The following BAIAP2L2 variants were observed in gnomAD, a reference collection of about 807,000 sequenced individuals.
The protein encoded by BAIAP2L2 is BAR/IMD domain containing adaptor protein 2 like 2, also known as BAR/IMD domain-containing adapter protein 2-like 2.
BAIAP2L2 carries 65 observed loss-of-function variants against 60.4 expected under a neutral mutation model. That is an observed-to-expected ratio of 1.08 (90% confidence interval 0.88 to 1.32). The LOEUF is 1.32. Among genes scored for constraint, BAIAP2L2 ranks in the 40% most tolerant of loss-of-function variants. The probability of loss-of-function intolerance (pLI) is 0.00; values close to 1 mark genes in which losing one functional copy is unlikely to be tolerated. For missense variants in BAIAP2L2, 836 were observed against 741.2 expected, an observed-to-expected ratio of 1.13 and a Z score of -1.48; for synonymous variants, 344 against 301.7, an observed-to-expected ratio of 1.14 and a Z score of -1.45.
chr22:38,100,869 A>G (rs1361975830), intron 4 of BAIAP2L2, among the ~76,000 whole-genome samples: 1 of 152,266 alleles, frequency 6.6e-6, no homozygotes, highest in East Asian at 1.9e-4. Context: ...ACACAAAAGA[A>G]TATACAGGGC....
chr22:38,101,141 A>C (rs748047724), intron 4 of BAIAP2L2, among the ~76,000 whole-genome samples: 2 of 152,292 alleles, frequency 1.3e-5, no homozygotes, highest in African/African-American at 4.8e-5. Flanking sequence ...TAGAAAAAAA[A>C]ACTCAGGTCT....
intron 1 of BAIAP2L2, among the ~76,000 whole-genome samples, chr22:38,110,033 CAGAGACAGGGAG>C (rs2086774577): frequency 1.9e-5 from 1 of 52,682 alleles, no homozygotes; most frequent in Non-Finnish European, 3.8e-5. Context: ...ATGAGAGAGA[CAGAGACAGGGAG>C]AGACAGAGAG....
chr22:38,109,450 C>G (rs899105709), intron 1 of BAIAP2L2, among the ~76,000 whole-genome samples: 3 of 152,156 alleles, frequency 2.0e-5, no homozygotes, highest in Non-Finnish European at 2.9e-5. Flanking sequence ...ACAGCCAGCT[C>G]CCGCTTACGT....
At chr22:38,102,885 A>G (rs1463418861) in intron 4 of BAIAP2L2, among the ~76,000 whole-genome samples, 2 of 144,776 alleles carry the variant, frequency 1.4e-5, no homozygotes, top group Non-Finnish European at 3.0e-5. Flanking sequence ...TAAACATACC[A>G]AAAAAAAAAA....
chr22:38,098,254 G>A, intron 5 of BAIAP2L2, 75 bp from the exon 6 acceptor site: 2 of 1,538,396 alleles, frequency 1.3e-6, no homozygotes, highest in Non-Finnish European at 1.8e-6. Flanking sequence ...CAGAGATCAG[G>A]GCCCTGGAAG....
At chr22:38,091,813 C>T (rs535406677) in intron 7 of BAIAP2L2, among the ~76,000 whole-genome samples, 1 of 152,226 alleles carries the variant, frequency 6.6e-6, no homozygotes, top group East Asian at 1.9e-4. Context: ...ATATCAAGAG[C>T]TCCTACAAAT....
intron 7 of BAIAP2L2, among the ~76,000 whole-genome samples, chr22:38,096,691 T>C (rs1000518883): frequency 2.0e-5 from 3 of 152,118 alleles, no homozygotes; most frequent in African/African-American, 7.2e-5. Context: ...ATAAAATTAA[T>C]AGACGATAAC....
At chr22:38,100,959 G>A (rs1240622245) in intron 4 of BAIAP2L2, among the ~76,000 whole-genome samples, 1 of 152,160 alleles carries the variant, frequency 6.6e-6, no homozygotes, top group Non-Finnish European at 1.5e-5. Flanking sequence ...TGCCCCTAGG[G>A]GGCGACACTG....
Position 38,088,943 on chromosome 22 carries a change from G to A in BAIAP2L2, c.923C>T (p.Ala308Val). 2.0e-6 allele frequency: 3 copies of A among 1,534,944 alleles called. No individual in the cohort carries two copies. Among genetic ancestry groups the A allele is most frequent in the Non-Finnish European group, 1.7e-6 (2 of 1,146,650 alleles). Residue 308 changes from alanine to valine, a missense_variant, in exon 10 of 14, where the codon GCC becomes GTC. By Grantham distance (64) the Ala-to-Val change is moderately conservative. Transcript: ENST00000381669. ...PSASSLYSGS[A>V]QSSRSNSFGE... ...AAAGGAGTTGGAGCGCGAGCTTTGG[G>A]CGCTGCCGCTGTAGAGCGAGGCTGT...
At chr22:38,098,383 G>A in intron 5 of BAIAP2L2, 28 bp downstream of exon 5, 1 of 1,607,430 alleles carries the variant, frequency 6.2e-7, no homozygotes, top group African/African-American at 1.3e-5. Flanking sequence ...GCAGTGAGTT[G>A]GGGGCCGAGT....
chr22:38,087,087 G>A lies in BAIAP2L2; in HGVS notation c.1259+37C>T, dbSNP rs371172496. The A allele has an allele frequency of 4.9e-5, 73 of 1,489,708 alleles. 1 individual carries two copies. In the African/African-American group the frequency reaches 5.1e-4, roughly 10 times the overall value. 92.3% of individuals were successfully genotyped at this position (1,489,708 alleles called of 1,614,324 possible). ...GCTGGGCAGTGACACCCTTGCCGGCGTCCTCACCCCCGCCCCACCCCTGAT... is the reference window on the plus strand; with the variant it reads ...GCTGGGCAGTGACACCCTTGCCGGCATCCTCACCCCCGCCCCACCCCTGAT... On this transcript the variant is annotated intron_variant, in intron 11 of 13. Transcript: ENST00000381669.
intron 7 of BAIAP2L2, among the ~76,000 whole-genome samples, chr22:38,092,345 C>T (rs900026515): frequency 5.6e-4 from 85 of 152,178 alleles, no homozygotes; most frequent in Non-Finnish European, 2.4e-4. Context: ...GGCGCAATCT[C>T]GGCTCACTGC....
intron 8 of BAIAP2L2, 123 bp downstream of exon 8, chr22:38,089,398 CG>C: frequency 3.3e-6 from 2 of 607,456 alleles, no homozygotes; most frequent in Non-Finnish European, 4.7e-6. Context: ...AAGGGCAGGC[CG>C]GGGGATGCAG....
chr22:38,087,711 G>C (rs1044591327), intron 10 of BAIAP2L2, among the ~76,000 whole-genome samples: 1 of 151,608 alleles, frequency 6.6e-6, no homozygotes, highest in African/African-American at 2.4e-5. Flanking sequence ...GGACCTTCGC[G>C]CCTAACTATG....
Position 38,098,163 on chromosome 22 carries a change from T to C in BAIAP2L2, c.365A>G (p.Tyr122Cys), listed in dbSNP as rs772498507. ...MQFIKDSRQH[Y>C]ELEYRHRAAN... ...CGCTCGGTGGCGGTACTCGAGCTCA[T>C]AGTGCTGGCGGCTGTCCTGGGGTAG... Residue 122 changes from tyrosine to cysteine, a missense_variant, in exon 6 of 14, where the codon TAT becomes TGT. Transcript: ENST00000381669. 1.3e-5 allele frequency: 21 copies of C among 1,613,886 alleles called. No individual in the cohort carries two copies. The highest frequency in any genetic ancestry group is 2.7e-5 in the African/African-American group (2 of 74,912).
rs763117133 is a variant in BAIAP2L2 at position 38,107,832 on chromosome 22, C to T, written c.276+20G>A. 10 of 1,611,626 alleles carry T rather than the reference C, an allele frequency of 6.2e-6. No homozygotes were observed. The highest frequency in any genetic ancestry group is 5.0e-5 in the Admixed American group (3 of 60,014). ...ACTTTCCTCGAGTGACCCCTCCAGG[C>T]CCTGGGGCCTGATACTCACCACCAC... On this transcript the variant is annotated intron_variant, in intron 4 of 13. Coordinates refer to ENST00000381669, the MANE Select transcript of BAIAP2L2 (RefSeq NM_025045.6).
At chr22:38,098,264 G>T in intron 5 of BAIAP2L2, 85 bp from the exon 6 acceptor site, 11 of 1,517,148 alleles carry the variant, frequency 7.3e-6, no homozygotes, top group Non-Finnish European at 8.2e-6. Flanking sequence ...GGCCCTGGAA[G>T]TTTGGAGACT....
chr22:38,099,910 T>C (rs2086529843), intron 4 of BAIAP2L2, among the ~76,000 whole-genome samples: 1 of 152,212 alleles, frequency 6.6e-6, no homozygotes, highest in African/African-American at 2.4e-5. Context: ...CTCCTCCCAA[T>C]ATGCAGAAAA....
chr22:38,086,862 G>A (rs2086091768), intron 11 of BAIAP2L2, among the ~76,000 whole-genome samples: 3 of 151,962 alleles, frequency 2.0e-5, no homozygotes, highest in Admixed American at 2.0e-4. Flanking sequence ...CAGGTGTGGT[G>A]GTGTGTGCCT....
Sources: gnomAD v4.1 joint callset for allele counts (sites outside exome capture counted in the v4.1 genomes callset) on GRCh38, gnomAD v4.1.1 for gene constraint, MANE v1.5 for transcripts, NCBI Gene and HGNC (gene_info 2026-07-23, HGNC 2026-07-21) for gene names.